Variants in WNT1 observed in about 807,000 individuals in gnomAD.
The protein encoded by WNT1 is Wnt family member 1.
WNT1 carries 10 observed loss-of-function variants against 21.3 expected under a neutral mutation model. The observed-to-expected ratio is 0.47, with a 90% CI of 0.29 to 0.80. The LOEUF (loss-of-function observed/expected upper bound fraction) is 0.80, where lower values mean the gene tolerates loss of function less well. Among genes scored for constraint, WNT1 ranks in the 30% least tolerant of loss-of-function variants. The pLI, the probability that WNT1 is intolerant of heterozygous loss-of-function variation, is 0.09. For missense variants in WNT1, 476 were observed against 534.1 expected (o/e 0.89, Z 1.07); for synonymous variants, 208 against 236.3 (o/e 0.88, Z 1.10).
rs1016559098 is a variant in WNT1 at position 48,982,615 on chromosome 12, C to T, written c.*975C>T. On this transcript the variant is annotated 3_prime_UTR_variant, in exon 4 of 4. Coordinates refer to ENST00000293549, the MANE Select transcript of WNT1 (RefSeq NM_005430.4). ...TGCAGAATAAAATCTCTATTTTTAT[C>T]GATGACTTGGTGGCTTTTCCTTGAA... Among the ~76,000 whole-genome samples, 6 of 152,202 alleles carry T rather than the reference C, an allele frequency of 3.9e-5. No individual in the cohort carries two copies. The highest frequency in any genetic ancestry group is 1.3e-4 in the Admixed American group (2 of 15,288).
In WNT1 at chr12:48,978,570, C is replaced by T. The variant is rs931004654; in HGVS notation, c.-81C>T. On this transcript the variant is annotated 5_prime_UTR_variant, in exon 1 of 4. Transcript: ENST00000293549. The surrounding 1 kb of genome is among the most constrained non-coding windows in gnomAD (Gnocchi z 7.4). ...TGCGAACTCTCGCCACTGCCGCCAC[C>T]GCCGCGTCCCGTCCCACCGTCGCGG... 16 of 1,049,502 alleles carry T rather than the reference C, an allele frequency of 1.5e-5. No homozygotes were observed. The Admixed American group carries it at 2.6e-4, about 17-fold the overall frequency. 65.0% of individuals were successfully genotyped at this position (1,049,502 alleles called of 1,614,324 possible). A position where few individuals can be genotyped will look rare whatever the true frequency, so the allele number is the denominator to read the frequency against.
chr12:48,978,860 C>A lies in WNT1; in HGVS notation c.104+106C>A, dbSNP rs766521670. 16 of 761,248 alleles carry A rather than the reference C, an allele frequency of 2.1e-5. No individual in the cohort carries two copies. The highest frequency in any genetic ancestry group is 3.1e-5 in the Non-Finnish European group (15 of 485,610). 47.2% of individuals were successfully genotyped at this position (761,248 alleles called of 1,614,324 possible). A position where few individuals can be genotyped will look rare whatever the true frequency, so the allele number is the denominator to read the frequency against. On this transcript the variant is annotated intron_variant, in intron 1 of 3. Transcript: ENST00000293549. This position sits in a 1 kb window ranked among gnomAD's most constrained non-coding sequence, Gnocchi z 7.4. ...GATCCGTCTGCCGACAGGCTCCCTCCCCGCTCTGACTTCCCTCCGCGACAC... is the reference window on the plus strand; with the variant it reads ...GATCCGTCTGCCGACAGGCTCCCTCACCGCTCTGACTTCCCTCCGCGACAC...
rs1397368502 is a variant in WNT1, at chr12:48,982,395, C to T, written c.*755C>T. On this transcript the variant is annotated 3_prime_UTR_variant, in exon 4 of 4. Coordinates refer to ENST00000293549, the MANE Select transcript of WNT1 (RefSeq NM_005430.4). ...AATAAAACTATTTATTGTGCTGGGT[C>T]CCAGCCTGGTTTGCAAAGACCACCT... Among the ~76,000 whole-genome samples, 1 of 152,102 alleles carries T rather than the reference C, an allele frequency of 6.6e-6. No individual in the cohort carries two copies. The highest frequency in any genetic ancestry group is 1.5e-5 in the Non-Finnish European group (1 of 68,032).
rs747134431 is a variant in WNT1 at position 48,981,250 on chromosome 12, C to T, written c.723C>T (p.Ala241=). 8.7e-6 allele frequency: 14 copies of T among 1,608,592 alleles called. No individual in the cohort carries two copies. Among genetic ancestry groups the T allele is most frequent in the African/African-American group, 6.7e-5 (5 of 74,366 alleles). ...GGATGCGGCTGCCCACGCTGCGCGC[C>T]GTGGGCGATGTGCTGCGCGACCGCT... ...TCWMRLPTLR[A]VGDVLRDRFD... The change falls in exon 4 of 4, where the codon GCC becomes GCT. Residue 241 remains alanine, a synonymous_variant. Coordinates refer to ENST00000293549, the MANE Select transcript of WNT1 (RefSeq NM_005430.4). The surrounding 1 kb of genome is among the most constrained non-coding windows in gnomAD (Gnocchi z 7.4).
Position 48,978,730 on chromosome 12 carries a change from C to G in WNT1, c.80C>G (p.Ala27Gly). ...CTGGCCGCTCTGCCCGCAGCCCTGG[C>G]TGCCAACAGCAGTGGCCGATGGTGG... ...LALAALPAAL[A>G]ANSSGRWWGI... The change falls in exon 1 of 4, where the codon GCT (alanine) becomes GGT (glycine). Residue 27 changes from alanine to glycine, a missense_variant. By Grantham distance (60) the Ala-to-Gly change is moderately conservative. Transcript: ENST00000293549. The surrounding 1 kb of genome is among the most constrained non-coding windows in gnomAD (Gnocchi z 7.4). The G allele has an allele frequency of 6.2e-7, 1 of 1,602,738 alleles. No individual in the cohort carries two copies. The highest frequency in any genetic ancestry group is 1.3e-5 in the African/African-American group (1 of 74,768).
rs1318650906 is a variant in WNT1, at chr12:48,978,687, G to C, written c.37G>C (p.Ala13Pro). The C allele has an allele frequency of 1.9e-6, 3 of 1,603,570 alleles. No homozygotes were observed. Among genetic ancestry groups the C allele is most frequent in the Non-Finnish European group, 2.5e-6 (3 of 1,178,644 alleles). The change falls in exon 1 of 4, where the codon GCT becomes CCT. Residue 13 changes from alanine to proline, a missense_variant. Coordinates refer to ENST00000293549, the MANE Select transcript of WNT1 (RefSeq NM_005430.4). This position sits in a 1 kb window ranked among gnomAD's most constrained non-coding sequence, Gnocchi z 7.4. ...GGCGCTGTTGCCTGGCTGGGTTTCT[G>C]CTACGCTGCTGCTGGCGCTGGCCGC... ...LWALLPGWVS[A>P]TLLLALAALP...
chr12:48,978,719 C>T lies in WNT1; in HGVS notation c.69C>T (p.Pro23=). The T allele has an allele frequency of 1.9e-6, 3 of 1,603,722 alleles. No individual in the cohort carries two copies. Among genetic ancestry groups the T allele is most frequent in the Non-Finnish European group, 2.5e-6 (3 of 1,178,456 alleles). The change falls in exon 1 of 4, where the codon CCC becomes CCT. Residue 23 remains proline, a synonymous_variant. Transcript: ENST00000293549. This position sits in a 1 kb window ranked among gnomAD's most constrained non-coding sequence, Gnocchi z 7.4. ...TGCTGCTGGCGCTGGCCGCTCTGCC[C>T]GCAGCCCTGGCTGCCAACAGCAGTG... ...ATLLLALAAL[P]AALAANSSGR...
chr12:48,982,315 G>A lies in WNT1; in HGVS notation c.*675G>A, dbSNP rs928731671. The stretch of plus-strand genomic sequence containing the variant: ...CTTCCTGTCCTGCCTCCTCATCAGT[G>A]TGTAAATAATTTGCACTGAAACGTG... On this transcript the variant is annotated 3_prime_UTR_variant, in exon 4 of 4. Transcript: ENST00000293549. Among the ~76,000 whole-genome samples, 1 of 152,142 alleles carries A rather than the reference G, an allele frequency of 6.6e-6. No homozygotes were observed. Among genetic ancestry groups the A allele is most frequent in the Non-Finnish European group, 1.5e-5 (1 of 68,032 alleles).
Position 48,981,311 on chromosome 12 carries a change from G to T in WNT1, c.784G>T (p.Gly262Cys). The T allele has an allele frequency of 1.3e-6, 2 of 1,577,294 alleles. No homozygotes were observed. Among genetic ancestry groups the T allele is most frequent in the South Asian group, 1.1e-5 (1 of 87,912 alleles). ...GASRVLYGNR[G>C]SNRASRAELL... ...CTCGCGCGTCCTGTACGGCAACCGC[G>T]GCAGCAACCGCGCTTCGCGGGCGGA... Residue 262 changes from glycine (G) to cysteine (C), a missense_variant, in exon 4 of 4, where the codon GGC becomes TGC. Physicochemically the swap from Gly to Cys is radical, Grantham distance 159 (BLOSUM62 -3). Transcript: ENST00000293549. This position sits in a 1 kb window ranked among gnomAD's most constrained non-coding sequence, Gnocchi z 7.4.
chr12:48,978,587 C>T lies in WNT1; in HGVS notation c.-64C>T. 8.1e-7 allele frequency: 1 copy of T among 1,234,892 alleles called. No homozygotes were observed. The highest frequency in any genetic ancestry group is 1.3e-5 in the South Asian group (1 of 77,878). 76.5% of individuals were successfully genotyped at this position (1,234,892 alleles called of 1,614,324 possible). A position where few individuals can be genotyped will look rare whatever the true frequency, so the allele number is the denominator to read the frequency against. On this transcript the variant is annotated 5_prime_UTR_variant, in exon 1 of 4. Transcript: ENST00000293549. This position sits in a 1 kb window ranked among gnomAD's most constrained non-coding sequence, Gnocchi z 7.4. ...GCCGCCACCGCCGCGTCCCGTCCCA[C>T]CGTCGCGGGCAACAACCAAAGTCGC...
rs1298193173 is a variant in WNT1, at chr12:48,982,091, C to A, written c.*451C>A. Among the ~76,000 whole-genome samples, 1 of 152,240 alleles carries A rather than the reference C, an allele frequency of 6.6e-6. No homozygotes were observed. The highest frequency in any genetic ancestry group is 2.4e-5 in the African/African-American group (1 of 41,454). On this transcript the variant is annotated 3_prime_UTR_variant, in exon 4 of 4. Transcript: ENST00000293549. ...CCTATTCTCCTGCCATGGGTGCAGA[C>A]CCTGAACCCACACCTGGGCATCAGG... is the stretch of plus-strand genomic sequence containing the variant.
Position 48,978,475 on chromosome 12 carries a change from C to T in WNT1, c.-176C>T. On this transcript the variant is annotated 5_prime_UTR_variant, in exon 1 of 4. Transcript: ENST00000293549. The surrounding 1 kb of genome is among the most constrained non-coding windows in gnomAD (Gnocchi z 7.4). ...GAGGCGGTGCCGCCCGCCGTGGCCG[C>T]CTCAGCCCACCAGCCGGGACCGCGA... is the stretch of plus-strand genomic sequence containing the variant. 1 of 596,178 alleles carries T rather than the reference C, an allele frequency of 1.7e-6. No individual in the cohort carries two copies. The highest frequency in any genetic ancestry group is 3.0e-6 in the Non-Finnish European group (1 of 335,986). The allele number at this position is 596,178 out of a possible 1,614,324, so 36.9% of individuals were successfully genotyped here.
In WNT1 at chr12:48,979,826, G is replaced by C; in HGVS notation, c.358+105G>C. 1 of 1,421,454 alleles carries C rather than the reference G, an allele frequency of 7.0e-7. No individual in the cohort carries two copies. The highest frequency in any genetic ancestry group is 9.2e-7 in the Non-Finnish European group (1 of 1,085,358). 88.1% of individuals were successfully genotyped at this position (1,421,454 alleles called of 1,614,324 possible). On this transcript the variant is annotated intron_variant, in intron 2 of 3. Transcript: ENST00000293549. The surrounding 1 kb of genome is among the most constrained non-coding windows in gnomAD (Gnocchi z 6.0). ...AGAAGGTGTCCCAGGCGCCTGGAGG[G>C]TCACACAATCAACCTTGCCAAGTGC... is the stretch of plus-strand genomic sequence containing the variant.
rs1259888000 is a variant in WNT1, at chr12:48,978,365, G to A, written c.-286G>A. 2.1e-6 allele frequency: 1 copy of A among 468,890 alleles called. No homozygotes were observed. The highest frequency in any genetic ancestry group is 3.8e-6 in the Non-Finnish European group (1 of 262,018). The allele number at this position is 468,890 out of a possible 1,614,324, so 29.0% of individuals were successfully genotyped here. On this transcript the variant is annotated 5_prime_UTR_variant, in exon 1 of 4. Transcript: ENST00000293549. This position sits in a 1 kb window ranked among gnomAD's most constrained non-coding sequence, Gnocchi z 7.4. ...GCCCCGCTCGCTGCCCATTGTCTGC[G>A]CCCCTAACCGGTGCGCCCTGGTGCC...
chr12:48,979,104 G>A lies in WNT1; in HGVS notation c.104+350G>A, dbSNP rs768324940. ...GGCCAGGAGTTCGCCTAGAAAGGAG[G>A]GGAGAAGAGGGTGGGACTCCTAAGC... On this transcript the variant is annotated intron_variant, in intron 1 of 3. Transcript: ENST00000293549. This position sits in a 1 kb window ranked among gnomAD's most constrained non-coding sequence, Gnocchi z 6.0. Among the ~76,000 whole-genome samples the A allele has an allele frequency of 1.3e-5, 2 of 152,248 alleles. No individual in the cohort carries two copies. The highest frequency in any genetic ancestry group is 2.9e-5 in the Non-Finnish European group (2 of 68,048).
chr12:48,981,622 A>C lies in WNT1; in HGVS notation c.1095A>C (p.Val365=), dbSNP rs561689863. ...GCCGCAACTGCACGCACACGCGCGT[A>C]CTGCACGAGTGTCTGTGAGGCGCTG... ...VSCRNCTHTR[V]LHECL The change falls in exon 4 of 4, where the codon GTA becomes GTC. Residue 365 remains valine (V), a synonymous_variant. Transcript: ENST00000293549. The surrounding 1 kb of genome is among the most constrained non-coding windows in gnomAD (Gnocchi z 7.4). 2.7e-6 allele frequency: 4 copies of C among 1,469,932 alleles called. No individual in the cohort carries two copies. The Admixed American group carries it at 9.6e-5, about 35-fold the overall frequency. 91.1% of individuals were successfully genotyped at this position (1,469,932 alleles called of 1,614,324 possible). A position where few individuals can be genotyped will look rare whatever the true frequency, so the allele number is the denominator to read the frequency against.
rs755253307 is a variant in WNT1 at position 48,979,482 on chromosome 12, T to C, written c.119T>C (p.Val40Ala). The change falls in exon 2 of 4, where the codon GTA becomes GCA. Residue 40 changes from valine to alanine, a missense_variant. Physicochemically the swap from Val to Ala is moderately conservative, Grantham distance 64. Transcript: ENST00000293549. This position sits in a 1 kb window ranked among gnomAD's most constrained non-coding sequence, Gnocchi z 6.0. ...CGTCCCACCAGGGGTATTGTGAACGTAGCCTCCTCCACGAACCTGCTTACA... is the reference window on the plus strand; with the variant it reads ...CGTCCCACCAGGGGTATTGTGAACGCAGCCTCCTCCACGAACCTGCTTACA... ...SSGRWWGIVN[V>A]ASSTNLLTDS... 8.0e-5 allele frequency: 129 copies of C among 1,610,832 alleles called. No homozygotes were observed. The highest frequency in any genetic ancestry group is 1.1e-4 in the Non-Finnish European group (126 of 1,177,888).
At position 48,979,594 on chromosome 12, in the gene WNT1, G is replaced by C; in HGVS notation, c.231G>C (p.Gly77=). 1 of 1,614,146 alleles carries C rather than the reference G, an allele frequency of 6.2e-7. No homozygotes were observed. The change falls in exon 2 of 4, where the codon GGG becomes GGC. Residue 77 remains glycine (G), a synonymous_variant. Transcript: ENST00000293549. The surrounding 1 kb of genome is among the most constrained non-coding windows in gnomAD (Gnocchi z 6.0). ...KQRRLIRQNP[G]ILHSVSGGLQ... ...GGCGTCTGATACGCCAAAATCCGGGGATCCTGCACAGCGTGAGTGGGGGGC... is the reference window on the plus strand; with the variant it reads ...GGCGTCTGATACGCCAAAATCCGGGCATCCTGCACAGCGTGAGTGGGGGGC...
Position 48,979,649 on chromosome 12 carries a change from C to G in WNT1, c.286C>G (p.Gln96Glu). 1 of 1,613,342 alleles carries G rather than the reference C, an allele frequency of 6.2e-7. No homozygotes were observed. The highest frequency in any genetic ancestry group is 8.5e-7 in the Non-Finnish European group (1 of 1,179,596). The change falls in exon 2 of 4, where the codon CAG (glutamine) becomes GAG (glutamate). Residue 96 changes from glutamine to glutamate, a missense_variant. By Grantham distance (29) the Gln-to-Glu change is conservative. Coordinates refer to ENST00000293549, the MANE Select transcript of WNT1 (RefSeq NM_005430.4). The surrounding 1 kb of genome is among the most constrained non-coding windows in gnomAD (Gnocchi z 6.0). ...LQSAVRECKW[Q>E]FRNRRWNCPT... Reference sequence around the variant, plus strand: ...GAGTGCCGTGCGCGAGTGCAAGTGGCAGTTCCGGAATCGCCGCTGGAACTG... The same window carrying G: ...GAGTGCCGTGCGCGAGTGCAAGTGGGAGTTCCGGAATCGCCGCTGGAACTG...
Sources: allele counts gnomAD v4.1 joint callset (sites outside exome capture counted in the v4.1 genomes callset), GRCh38; gene constraint gnomAD v4.1.1; non-coding constraint Gnocchi (gnomAD v3.1); transcripts MANE v1.5; gene names NCBI Gene and HGNC (gene_info 2026-07-23, HGNC 2026-07-21).